The following RABGAP1L variants were observed in gnomAD, a reference collection of about 807,000 sequenced individuals.
RABGAP1L encodes rab GTPase-activating protein 1-like.
RABGAP1L carries 63 observed loss-of-function variants against 137.7 expected under a neutral mutation model. That is an observed-to-expected ratio of 0.46 (90% confidence interval 0.37 to 0.56). The LOEUF (loss-of-function observed/expected upper bound fraction) is 0.56, where lower values mean the gene tolerates loss of function less well. Among genes scored for constraint, RABGAP1L ranks in the 20% least tolerant of loss-of-function variants. RABGAP1L has a pLI of 0.00. For missense variants in RABGAP1L, 1,095 were observed against 1,244.0 expected (o/e 0.88, Z 1.80); for synonymous variants, 431 against 433.7 (o/e 0.99, Z 0.08).
intron 13 of RABGAP1L, among the ~76,000 whole-genome samples, chr1:174,613,913 G>C (rs923341434): frequency 2.2e-4 from 33 of 152,076 alleles, no homozygotes; most frequent in Non-Finnish European, 3.7e-4. Context: ...TTGCTTGGTA[G>C]ATCTTCCTCC....
chr1:174,532,954 G>A (rs2147895434), intron 13 of RABGAP1L, among the ~76,000 whole-genome samples: 1 of 152,296 alleles, frequency 6.6e-6, no homozygotes, highest in African/African-American at 2.4e-5. Flanking sequence ...AAACACTATA[G>A]CCGGGCACAG....
At chr1:174,626,259 T>G (rs1209786263) in intron 13 of RABGAP1L, among the ~76,000 whole-genome samples, 4 of 152,208 alleles carry the variant, frequency 2.6e-5, no homozygotes, top group Non-Finnish European at 5.9e-5. Context: ...TGACCTAGAT[T>G]ACTTAGAATC....
chr1:174,718,916 C>T (rs1204076477), intron 17 of RABGAP1L, among the ~76,000 whole-genome samples: 3 of 150,468 alleles, frequency 2.0e-5, no homozygotes, highest in African/African-American at 7.3e-5. Flanking sequence ...CTCGGCTCAC[C>T]ACAACCTCTG....
intron 14 of RABGAP1L, among the ~76,000 whole-genome samples, chr1:174,659,391 A>G (rs1303238750): frequency 3.3e-5 from 5 of 152,158 alleles, no homozygotes; most frequent in African/African-American, 1.2e-4. Flanking sequence ...ATTCCATATC[A>G]TAACTCTAAT....
intron 13 of RABGAP1L, among the ~76,000 whole-genome samples, chr1:174,618,082 G>A (rs146251614): frequency 1.3e-5 from 2 of 152,212 alleles, no homozygotes; most frequent in African/African-American, 4.8e-5. Flanking sequence ...CAAGGCAGCA[G>A]CGAGGCTGTG....
chr1:174,958,014 A>T, intron 20 of RABGAP1L: 1 of 1,542,090 alleles, frequency 6.5e-7, no homozygotes, highest in Non-Finnish European at 8.7e-7. Flanking sequence ...AAAAAGGAAA[A>T]ATGGCAAAGT....
intron 18 of RABGAP1L, among the ~76,000 whole-genome samples, chr1:174,775,150 A>G (rs551431004): frequency 1.3e-5 from 2 of 152,262 alleles, no homozygotes; most frequent in South Asian, 4.1e-4. Context: ...TTTCCTTTTA[A>G]GCAAATAGTG....
At chr1:174,663,989 T>C (rs1267658800) in intron 14 of RABGAP1L, among the ~76,000 whole-genome samples, 1 of 152,136 alleles carries the variant, frequency 6.6e-6, no homozygotes, top group African/African-American at 2.4e-5. Context: ...GCAAAAAAAA[T>C]ACACATTACG....
intron 1 of RABGAP1L, among the ~76,000 whole-genome samples, chr1:174,191,155 G>A (rs1667186292): frequency 6.6e-6 from 1 of 152,128 alleles, no homozygotes; most frequent in African/African-American, 2.4e-5. Flanking sequence ...AATGAGGTAT[G>A]CCTGTACCTT....
Position 174,577,210 on chromosome 1 carries a change from T to TACACAC in RABGAP1L, c.1711-60115_1711-60110dup, listed in dbSNP as rs67709003. On this transcript the variant is annotated intron_variant, in intron 13 of 25. Coordinates refer to ENST00000681986, the MANE Select transcript of RABGAP1L (RefSeq NM_001366446.1). ...GACCCTGTCTGTTAGGGGGAAAAAATACACACACACACACACACACACACA... is the reference window on the plus strand; with the variant it reads ...GACCCTGTCTGTTAGGGGGAAAAAATACACACACACACACACACACACACACACACA... 3.4e-3 allele frequency among the ~76,000 whole-genome samples: 435 copies of TACACAC among 127,064 alleles called. 1 individual carries two copies. The highest frequency in any genetic ancestry group is 6.8e-3 in the African/African-American group (227 of 33,142). The allele number at this position is 127,064 out of a possible 152,430, so 83.4% of individuals were successfully genotyped here. A position where few individuals can be genotyped will look rare whatever the true frequency, so the allele number is the denominator to read the frequency against.
intron 18 of RABGAP1L, among the ~76,000 whole-genome samples, chr1:174,776,843 T>G (rs1325121760): frequency 1.3e-5 from 2 of 152,230 alleles, no homozygotes; most frequent in Non-Finnish European, 2.9e-5. Flanking sequence ...AGGAAAAATG[T>G]AGAGCCTTTT....
At chr1:174,295,582 C>T (rs1677055464) in intron 10 of RABGAP1L, among the ~76,000 whole-genome samples, 1 of 151,858 alleles carries the variant, frequency 6.6e-6, no homozygotes, top group Non-Finnish European at 1.5e-5. Flanking sequence ...GACGGGGTTT[C>T]ACTATGTTGG....
intron 18 of RABGAP1L, among the ~76,000 whole-genome samples, chr1:174,779,191 A>G (rs1686762618): frequency 6.6e-6 from 1 of 152,184 alleles, no homozygotes; most frequent in Non-Finnish European, 1.5e-5. Flanking sequence ...TCCTAAAAAC[A>G]TCTTTATCTC....
chr1:174,683,448 C>A, intron 14 of RABGAP1L, 74 bp from the exon 15 acceptor site: 1 of 1,213,558 alleles, frequency 8.2e-7, no homozygotes, highest in Non-Finnish European at 1.2e-6. Flanking sequence ...CAAGCAGGAG[C>A]CTGGTATGAG....
intron 13 of RABGAP1L, among the ~76,000 whole-genome samples, chr1:174,499,256 TA>T (rs1661033798): frequency 6.8e-6 from 1 of 146,046 alleles, no homozygotes; most frequent in Non-Finnish European, 1.5e-5. Context: ...ACACTTAAAT[TA>T]AAAAAATTTA....
intron 19 of RABGAP1L, among the ~76,000 whole-genome samples, chr1:174,901,934 C>T (rs1432030594): frequency 1.3e-5 from 2 of 152,152 alleles, no homozygotes; most frequent in African/African-American, 4.8e-5. Context: ...CTCTATCTAT[C>T]GTAGGACTGC....
At chr1:174,617,028 A>G (rs1356554086) in intron 13 of RABGAP1L, among the ~76,000 whole-genome samples, 1 of 152,180 alleles carries the variant, frequency 6.6e-6, no homozygotes, top group Non-Finnish European at 1.5e-5. Context: ...AGCAGAAGAC[A>G]AGAAGTAAGT....
intron 13 of RABGAP1L, among the ~76,000 whole-genome samples, chr1:174,588,016 A>G (rs889801093): frequency 6.6e-6 from 1 of 151,908 alleles, no homozygotes; most frequent in Non-Finnish European, 1.5e-5. Context: ...GGCGTGCACA[A>G]CCAGGCTTGG....
intron 13 of RABGAP1L, among the ~76,000 whole-genome samples, chr1:174,629,804 G>A (rs888620432): frequency 6.6e-6 from 1 of 152,288 alleles, no homozygotes; most frequent in Admixed American, 6.5e-5. Context: ...GATTACAGGC[G>A]TGAGCCATCG....
Sources: gnomAD v4.1 joint callset for allele counts (sites outside exome capture counted in the v4.1 genomes callset) on GRCh38, gnomAD v4.1.1 for gene constraint, MANE v1.5 for transcripts, NCBI Gene and HGNC (gene_info 2026-07-23, HGNC 2026-07-21) for gene names.